ATP2B1: variants seen among roughly 807,000 people sequenced by gnomAD.
The protein encoded by ATP2B1 is plasma membrane calcium-transporting ATPase 1.
Under a neutral mutation model 124.2 loss-of-function variants are expected in ATP2B1, and 14 were observed. The ratio of observed to expected loss-of-function variants is 0.11; its 90% CI spans 0.07 to 0.18. The LOEUF (loss-of-function observed/expected upper bound fraction) is 0.18, where lower values mean the gene tolerates loss of function less well. Among genes scored for constraint, ATP2B1 ranks in the 10% least tolerant of loss-of-function variants. The pLI, the probability that ATP2B1 is intolerant of heterozygous loss-of-function variation, is 1.00. For synonymous variants in ATP2B1, 449 were observed against 492.4 expected, an observed-to-expected ratio of 0.91 and a Z score of 1.17; for missense variants, 763 against 1,466.1, an observed-to-expected ratio of 0.52 and a Z score of 7.83.
intron 1 of ATP2B1, among the ~76,000 whole-genome samples, chr12:89,667,692 T>C (rs2136482161): frequency 6.6e-6 from 1 of 152,198 alleles, no homozygotes; most frequent in East Asian, 1.9e-4. Flanking sequence ...ACAAGCATAC[T>C]AGAAAGTAAA....
At chr12:89,592,465 A>T (rs1592686720) in intron 20 of ATP2B1, among the ~76,000 whole-genome samples, 1 of 152,190 alleles carries the variant, frequency 6.6e-6, no homozygotes, top group Non-Finnish European at 1.5e-5. Flanking sequence ...GTGTTTAAAA[A>T]AATGTAATGT....
intron 13 of ATP2B1, chr12:89,610,766 G>T (rs1294173808): frequency 2.4e-6 from 1 of 417,452 alleles, no homozygotes; most frequent in East Asian, 4.1e-5. Flanking sequence ...AAAAGCCACT[G>T]TTTTTATATA....
intron 1 of ATP2B1, among the ~76,000 whole-genome samples, chr12:89,704,888 A>G (rs1317760614): frequency 2.0e-5 from 3 of 152,198 alleles, no homozygotes; most frequent in Non-Finnish European, 2.9e-5. Context: ...TTCAGATTTA[A>G]TTAGATATTG....
At chr12:89,649,146 G>C (rs1321019520) in intron 2 of ATP2B1, among the ~76,000 whole-genome samples, 1 of 152,260 alleles carries the variant, frequency 6.6e-6, no homozygotes, top group Non-Finnish European at 1.5e-5. Flanking sequence ...CACCCACAAA[G>C]TCCCCCCACT....
In ATP2B1 at chr12:89,655,647, A is replaced by C. The variant is rs748278462; in HGVS notation, c.208+32T>G. The C allele has an allele frequency of 1.2e-5, 19 of 1,599,624 alleles. No individual in the cohort carries two copies. The South Asian group carries it at 1.4e-4, about 12-fold the overall frequency. ...GCCAAATATATAGAACTCTTTGCAC[A>C]AAGAACCAAAAACAAGCATAATAAA... On this transcript the variant is annotated intron_variant, in intron 2 of 20. Coordinates refer to ENST00000428670, the MANE Select transcript of ATP2B1 (RefSeq NM_001366521.1).
chr12:89,638,194 A>T (rs1037178367), intron 3 of ATP2B1, among the ~76,000 whole-genome samples: 1 of 152,204 alleles, frequency 6.6e-6, no homozygotes, highest in Non-Finnish European at 1.5e-5. Flanking sequence ...AGTAAAGTCC[A>T]AGCTCAAATA....
chr12:89,625,268 A>G (rs937112766), intron 8 of ATP2B1, among the ~76,000 whole-genome samples: 15 of 143,538 alleles, frequency 1.0e-4, no homozygotes, highest in African/African-American at 3.7e-4. Flanking sequence ...TCTGTCTCCC[A>G]CCCTCAACAC....
chr12:89,664,200 A>G (rs952380551), intron 1 of ATP2B1, among the ~76,000 whole-genome samples: 3 of 152,158 alleles, frequency 2.0e-5, no homozygotes, highest in African/African-American at 4.8e-5. Context: ...CACACCCTTT[A>G]GTCTATAAAG....
intron 1 of ATP2B1, among the ~76,000 whole-genome samples, chr12:89,679,944 T>C (rs182988229): frequency 2.6e-5 from 4 of 151,864 alleles, no homozygotes; most frequent in African/African-American, 9.7e-5. Flanking sequence ...GATATGGCAG[T>C]AAAGGAAAAG....
intron 20 of ATP2B1, among the ~76,000 whole-genome samples, chr12:89,595,822 G>A (rs1401982): frequency 0.59 from 90,316 of 151,808 alleles, 27,377 homozygotes; most frequent in Admixed American, 0.7. Flanking sequence ...TTACTCCCTG[G>A]ATAACTCCAA....
In ATP2B1 at chr12:89,702,007, T is replaced by C. The variant is rs1318213232; in HGVS notation, c.-222+6589A>G. On this transcript the variant is annotated intron_variant, in intron 1 of 20. Transcript: ENST00000428670. ...AGGAAACACAATTCATTTTGTGTTG[T>C]ATGTGAACAGCATCCCCTGGAGTTG... Among the ~76,000 whole-genome samples the C allele has an allele frequency of 2.0e-5, 3 of 152,216 alleles. No individual in the cohort carries two copies. The East Asian group carries it at 5.8e-4, about 29-fold the overall frequency.
At chr12:89,703,900 G>A (rs1396108098) in intron 1 of ATP2B1, among the ~76,000 whole-genome samples, 1 of 152,046 alleles carries the variant, frequency 6.6e-6, no homozygotes, top group Admixed American at 6.5e-5. Context: ...GTAGCATTTG[G>A]CCCCACCTCA....
At chr12:89,687,905 G>A (rs1316063460) in intron 1 of ATP2B1, among the ~76,000 whole-genome samples, 3 of 151,956 alleles carry the variant, frequency 2.0e-5, no homozygotes, top group Non-Finnish European at 4.4e-5. Context: ...TACAGTATGT[G>A]CAATATCACC....
At position 89,588,658 on chromosome 12, in the gene ATP2B1, T is replaced by C. The variant is rs1873043145; in HGVS notation, c.*2326A>G. The C allele has an allele frequency of 6.6e-6, 1 of 152,548 alleles. No homozygotes were observed. The highest frequency in any genetic ancestry group is 1.5e-5 in the Non-Finnish European group (1 of 68,000). 9.4% of individuals were successfully genotyped at this position (152,548 alleles called of 1,614,324 possible). Reference sequence around the variant, plus strand: ...CTAAGCATGTCTTGCTACTACTTCATAGATGTCATAAGACCCGTTTATGGA... The same window carrying C: ...CTAAGCATGTCTTGCTACTACTTCACAGATGTCATAAGACCCGTTTATGGA... On this transcript the variant is annotated 3_prime_UTR_variant, in exon 21 of 21. Coordinates refer to ENST00000428670, the MANE Select transcript of ATP2B1 (RefSeq NM_001366521.1).
At chr12:89,622,843 T>TAATAAAA (rs1220198132) in intron 9 of ATP2B1, among the ~76,000 whole-genome samples, 2 of 152,150 alleles carry the variant, frequency 1.3e-5, no homozygotes, top group Non-Finnish European at 2.9e-5. Context: ...GTTAACTTGT[T>TAATAAAA]CTTATTAATT....
chr12:89,644,958 C>T (rs76662192), intron 2 of ATP2B1, among the ~76,000 whole-genome samples: 1,721 of 152,262 alleles, frequency 0.011, 29 homozygotes, highest in African/African-American at 0.039. Flanking sequence ...GTCTTAAATG[C>T]TATTATAATT....
chr12:89,661,846 T>G (rs777929848), intron 1 of ATP2B1, among the ~76,000 whole-genome samples: 4 of 152,182 alleles, frequency 2.6e-5, no homozygotes, highest in Non-Finnish European at 5.9e-5. Context: ...CATAGCTGTT[T>G]CTCACTGTGG....
chr12:89,603,652 G>T lies in ATP2B1; in HGVS notation c.2848+60C>A. ...AAAATTTGTAACATTATAACATCTT[G>T]GATGATTAGCTTGGAAAAGAAACAA... On this transcript the variant is annotated intron_variant, in intron 17 of 20. Transcript: ENST00000428670. The surrounding 1 kb of genome is among the most constrained non-coding windows in gnomAD (Gnocchi z 4.3). The T allele has an allele frequency of 1.3e-6, 2 of 1,524,546 alleles. No individual in the cohort carries two copies. Among genetic ancestry groups the T allele is most frequent in the South Asian group, 1.1e-5 (1 of 88,124 alleles). 94.4% of individuals were successfully genotyped at this position (1,524,546 alleles called of 1,614,324 possible). A position where few individuals can be genotyped will look rare whatever the true frequency, so the allele number is the denominator to read the frequency against.
chr12:89,611,923 C>T (rs567791052), intron 12 of ATP2B1: 2 of 152,316 alleles, frequency 1.3e-5, no homozygotes, highest in African/African-American at 2.4e-5. Flanking sequence ...AAGTGGGTAT[C>T]GATTCAGGTG....
Sources: allele counts gnomAD v4.1 joint callset (sites outside exome capture counted in the v4.1 genomes callset), GRCh38; gene constraint gnomAD v4.1.1; non-coding constraint Gnocchi (gnomAD v3.1); transcripts MANE v1.5; gene names NCBI Gene and HGNC (gene_info 2026-07-23, HGNC 2026-07-21).